Variants in MIA2 observed in about 807,000 individuals in gnomAD.
MIA2 encodes the protein melanoma inhibitory activity protein 2.
A neutral mutation model predicts 167.8 loss-of-function variants in MIA2; 127 were observed. That is an observed-to-expected ratio of 0.76 (90% CI 0.66 to 0.88). MIA2 has a LOEUF of 0.88. MIA2 is among the 40% of genes least tolerant of loss of function. MIA2 has a pLI of 0.00. For missense variants in MIA2, 1,690 were observed against 1,624.7 expected (o/e 1.04, Z -0.69); for synonymous variants, 552 against 541.9 (o/e 1.02, Z -0.26).
In MIA2 at chr14:39,386,956, C is replaced by T. The variant is rs1042862695; in HGVS notation, c.*4C>T. 2.2e-5 allele frequency: 17 copies of T among 783,236 alleles called. No individual in the cohort carries two copies. The Admixed American group carries it at 2.7e-4, about 12-fold the overall frequency. 48.5% of individuals were successfully genotyped at this position (783,236 alleles called of 1,614,324 possible). A position where few individuals can be genotyped will look rare whatever the true frequency, so the allele number is the denominator to read the frequency against. Reference sequence around the variant, plus strand: ...CCTAGGAGGGCCCCAGAAATGAAGCCGAAGCATTGGCGGATGAGACTAACG... The same window carrying T: ...CCTAGGAGGGCCCCAGAAATGAAGCTGAAGCATTGGCGGATGAGACTAACG... On this transcript the variant is annotated 3_prime_UTR_variant, in exon 24 of 24. Transcript: ENST00000341502.
chr14:39,300,387 A>T (rs921655436), intron 14 of MIA2, among the ~76,000 whole-genome samples: 1 of 152,116 alleles, frequency 6.6e-6, no homozygotes, highest in Admixed American at 6.5e-5. Context: ...GATGGAGAGG[A>T]ATACTTTTAA....
chr14:39,303,833 C>T (rs2152894784), intron 16 of MIA2, among the ~76,000 whole-genome samples: 1 of 152,046 alleles, frequency 6.6e-6, no homozygotes, highest in South Asian at 2.1e-4. Flanking sequence ...CTTCTAGTCT[C>T]AGTATTTTCT....
At chr14:39,385,130 G>C (rs2075249394) in intron 23 of MIA2, among the ~76,000 whole-genome samples, 1 of 152,044 alleles carries the variant, frequency 6.6e-6, no homozygotes, top group South Asian at 2.1e-4. Flanking sequence ...TCTAAAAAAA[G>C]AAGAAACCAT....
At chr14:39,302,084 A>G in intron 14 of MIA2, 45 bp from the exon 15 acceptor site, 1 of 1,588,772 alleles carries the variant, frequency 6.3e-7, no homozygotes, top group South Asian at 1.1e-5. Context: ...AGCTGTTAGC[A>G]TAAGGCATTA....
chr14:39,281,244 C>T (rs1218610157), intron 9 of MIA2, among the ~76,000 whole-genome samples: 1 of 152,046 alleles, frequency 6.6e-6, no homozygotes, highest in Non-Finnish European at 1.5e-5. Flanking sequence ...TTTTGAAACA[C>T]TCTTGATTGT....
intron 20 of MIA2, 26 bp downstream of exon 20, chr14:39,314,825 T>A: frequency 8.0e-7 from 1 of 1,246,750 alleles, no homozygotes; most frequent in African/African-American, 1.5e-5. Flanking sequence ...TGTGTGTGTG[T>A]GTGTGTGTGT....
intron 9 of MIA2, among the ~76,000 whole-genome samples, chr14:39,285,366 G>A (rs971358411): frequency 3.6e-5 from 5 of 137,634 alleles, no homozygotes; most frequent in Non-Finnish European, 6.4e-5. Context: ...ACGGGGCGGC[G>A]GCCGGGCGGG....
intron 7 of MIA2, among the ~76,000 whole-genome samples, chr14:39,277,766 A>G (rs1367923733): frequency 1.4e-4 from 6 of 42,714 alleles, no homozygotes; most frequent in Non-Finnish European, 2.9e-4. Context: ...ATATATATAT[A>G]TATATATATA....
intron 13 of MIA2, among the ~76,000 whole-genome samples, chr14:39,298,091 T>G (rs1470461569): frequency 6.6e-6 from 1 of 152,106 alleles, no homozygotes; most frequent in Non-Finnish European, 1.5e-5. Flanking sequence ...TTAATAGATT[T>G]GAGTAGAAAG....
chr14:39,370,665 A>G lies in MIA2; in HGVS notation c.2249-16220A>G. The G allele has an allele frequency of 1.1e-5, 3 of 275,218 alleles. No homozygotes were observed. The South Asian group carries it at 1.1e-4, about 10-fold the overall frequency. 17.0% of individuals were successfully genotyped at this position (275,218 alleles called of 1,614,324 possible). On this transcript the variant is annotated intron_variant, in intron 23 of 23. Transcript: ENST00000341502. Reference sequence around the variant, plus strand: ...TGCCCGAGTCTGTCGCACGTGCTGCATGCCCAGCACAGCAGAGCCACCACT... The same window carrying G: ...TGCCCGAGTCTGTCGCACGTGCTGCGTGCCCAGCACAGCAGAGCCACCACT...
chr14:39,340,247 T>G (rs2071490000), intron 25 of MIA2, among the ~76,000 whole-genome samples: 1 of 152,194 alleles, frequency 6.6e-6, no homozygotes, highest in Admixed American at 6.5e-5. Context: ...CTTTTACTGA[T>G]TTGGATAATA....
rs549107829 is a variant in MIA2, at chr14:39,287,394, T to C, written c.2131-3625T>C. ...CCAGCCCTTCCAGTACTGTTTTGAA[T>C]AGAAGTGGTGGTTGTGGGCATCCTT... On this transcript the variant is annotated intron_variant, in intron 9 of 28. Coordinates refer to ENST00000640607, the MANE Select transcript of MIA2 (RefSeq NM_001329214.4). 3.3e-5 allele frequency among the ~76,000 whole-genome samples: 5 copies of C among 152,024 alleles called. No individual in the cohort carries two copies. The East Asian group carries it at 7.8e-4, about 24-fold the overall frequency.
chr14:39,381,890 T>C (rs1282184021), intron 23 of MIA2, among the ~76,000 whole-genome samples: 1 of 152,104 alleles, frequency 6.6e-6, no homozygotes, highest in African/African-American at 2.4e-5. Flanking sequence ...CTTGCACAAT[T>C]TATATGACTA....
chr14:39,252,694 C>A, intron 4 of MIA2, 54 bp from the exon 5 acceptor site: 2 of 1,363,036 alleles, frequency 1.5e-6, no homozygotes, highest in Non-Finnish European at 2.0e-6. Context: ...AAAAGGGGAG[C>A]CCTCAACAAA....
chr14:39,386,986 C>G (rs753096465), exon 24 of MIA2: 45 of 760,212 alleles, frequency 5.9e-5, no homozygotes, highest in Admixed American at 4.3e-4. Flanking sequence ...CTAACGAGAT[C>G]TGTGACGACT....
chr14:39,378,569 A>G (rs900569877), intron 23 of MIA2, among the ~76,000 whole-genome samples: 1 of 152,258 alleles, frequency 6.6e-6, no homozygotes, highest in Non-Finnish European at 1.5e-5. Context: ...GACACAACTG[A>G]CAAGGAAATT....
At chr14:39,332,960 A>G (rs1329671891) in intron 25 of MIA2, among the ~76,000 whole-genome samples, 1 of 152,118 alleles carries the variant, frequency 6.6e-6, no homozygotes, top group Non-Finnish European at 1.5e-5. Context: ...AAGCTTATCT[A>G]GTAAAAGTTT....
chr14:39,279,220 A>T, intron 7 of MIA2, 117 bp from the exon 8 acceptor site: 1 of 749,478 alleles, frequency 1.3e-6, no homozygotes, highest in Non-Finnish European at 2.2e-6. Flanking sequence ...TTTGGCTTGT[A>T]TTTATACAAA....
intron 9 of MIA2, among the ~76,000 whole-genome samples, chr14:39,289,884 C>T (rs11157053): frequency 0.55 from 83,373 of 152,004 alleles, 24,619 homozygotes; most frequent in South Asian, 0.67. Flanking sequence ...ATGGAGTCTA[C>T]CAACATTTCT....
Sources: allele counts gnomAD v4.1 joint callset (sites outside exome capture counted in the v4.1 genomes callset), GRCh38; gene constraint gnomAD v4.1.1; transcripts MANE v1.5; gene names NCBI Gene and HGNC (gene_info 2026-07-23, HGNC 2026-07-21).